Variants in CCSER1 observed in about 807,000 individuals in gnomAD.
CCSER1 encodes serine-rich coiled-coil domain-containing protein 1.
Under a neutral mutation model 82.0 loss-of-function variants are expected in CCSER1, and 41 were observed. That is an observed-to-expected ratio of 0.50 (90% confidence interval 0.39 to 0.65). The LOEUF (loss-of-function observed/expected upper bound fraction) is 0.65. Among genes scored for constraint, CCSER1 ranks in the 30% least tolerant of loss-of-function variants. CCSER1 has a pLI of 0.00. For synonymous variants in CCSER1, 414 were observed against 383.9 expected, an observed-to-expected ratio of 1.08 and a Z score of -0.92; for missense variants, 1,119 against 1,064.2, an observed-to-expected ratio of 1.05 and a Z score of -0.72.
chr4:90,321,812 A>AT (rs1177324947), intron 3 of CCSER1, among the ~76,000 whole-genome samples: 3 of 151,800 alleles, frequency 2.0e-5, no homozygotes, highest in Non-Finnish European at 4.4e-5. Context: ...CTCTTCAGAT[A>AT]TTTTTGCCTA....
intron 10 of CCSER1, among the ~76,000 whole-genome samples, chr4:91,235,504 A>G (rs975297666): frequency 6.6e-6 from 1 of 152,170 alleles, no homozygotes; most frequent in Admixed American, 6.5e-5. Context: ...TGGACAAAGT[A>G]AATTTTATTT....
At chr4:90,223,934 CT>C (rs138539705) in intron 1 of CCSER1, among the ~76,000 whole-genome samples, 1,795 of 152,196 alleles carry the variant, frequency 0.012, 43 homozygotes, top group African/African-American at 0.041. Flanking sequence ...TAGATAATGT[CT>C]TTTTCATCTT....
In CCSER1 at chr4:91,213,353, A is replaced by T. The variant is rs181305013; in HGVS notation, c.2217+127359A>T. On this transcript the variant is annotated intron_variant, in intron 10 of 10. Transcript: ENST00000509176. ...GTAGTGCTGCTTTCACAGAACCTAG[A>T]GTCTACTTTGGAGCATACAATTTTA... Among the ~76,000 whole-genome samples the T allele has an allele frequency of 9.9e-5, 15 of 152,272 alleles. No homozygotes were observed. In the East Asian group the frequency reaches 2.9e-3, roughly 29 times the overall value.
intron 6 of CCSER1, among the ~76,000 whole-genome samples, chr4:90,635,331 T>A (rs908453481): frequency 2.6e-5 from 4 of 151,752 alleles, no homozygotes; most frequent in East Asian, 1.9e-4. Context: ...TAAGTCCCAT[T>A]AAATTTAAAA....
intron 10 of CCSER1, among the ~76,000 whole-genome samples, chr4:91,141,141 T>TGAAA (rs1336016362): frequency 2.0e-5 from 3 of 151,430 alleles, no homozygotes; most frequent in Non-Finnish European, 4.4e-5. Context: ...CTGCAAAGGA[T>TGAAA]ATGATTTCAT....
chr4:90,940,406 A>G (rs1191570175), intron 9 of CCSER1, among the ~76,000 whole-genome samples: 12 of 151,966 alleles, frequency 7.9e-5, no homozygotes, highest in Admixed American at 7.2e-4. Context: ...ACATATCAAT[A>G]ATTTTATTTT....
intron 7 of CCSER1, among the ~76,000 whole-genome samples, chr4:90,745,461 G>A (rs988231967): frequency 5.9e-5 from 9 of 152,202 alleles, no homozygotes; most frequent in South Asian, 2.1e-4. Context: ...CGAATGGGGC[G>A]GGAAGCGTTA....
intron 7 of CCSER1, among the ~76,000 whole-genome samples, chr4:90,798,658 AT>A (rs1380725046): frequency 1.3e-5 from 2 of 152,180 alleles, no homozygotes; most frequent in East Asian, 3.9e-4. Context: ...GTTTTTAAAA[AT>A]TCTTTTATCC....
chr4:91,407,784 C>A (rs568883276), intron 10 of CCSER1, among the ~76,000 whole-genome samples: 2 of 152,144 alleles, frequency 1.3e-5, no homozygotes, highest in African/African-American at 2.4e-5. Context: ...GTGGTCAACA[C>A]CACCCATGAG....
chr4:91,136,071 C>T (rs1000381169), intron 10 of CCSER1, among the ~76,000 whole-genome samples: 15 of 152,106 alleles, frequency 9.9e-5, no homozygotes, highest in African/African-American at 3.6e-4. Context: ...TTTTAGTTTC[C>T]AAATCCTTAT....
intron 6 of CCSER1, among the ~76,000 whole-genome samples, chr4:90,686,025 G>T (rs528680083): frequency 2.0e-5 from 3 of 152,048 alleles, no homozygotes; most frequent in Admixed American, 6.6e-5. Context: ...TATTTAATTG[G>T]TTTAATTATG....
chr4:90,593,367 A>G (rs1347971539), intron 5 of CCSER1, among the ~76,000 whole-genome samples: 1 of 152,122 alleles, frequency 6.6e-6, no homozygotes, highest in Non-Finnish European at 1.5e-5. Context: ...CACGGAAAGA[A>G]TGAAGCAACA....
At chr4:91,291,819 T>G (rs1252032608) in intron 10 of CCSER1, among the ~76,000 whole-genome samples, 2 of 151,972 alleles carry the variant, frequency 1.3e-5, no homozygotes, top group African/African-American at 4.8e-5. Context: ...CATGAGAAAT[T>G]GCCATGAGCT....
chr4:91,496,271 C>T (rs1758800158), intron 10 of CCSER1, among the ~76,000 whole-genome samples: 1 of 151,074 alleles, frequency 6.6e-6, no homozygotes, highest in African/African-American at 2.4e-5. Context: ...TCATTGAGAG[C>T]AAAGGCTTGT....
At chr4:91,446,577 CTT>C (rs2059945513) in intron 10 of CCSER1, among the ~76,000 whole-genome samples, 1 of 52,530 alleles carries the variant, frequency 1.9e-5, no homozygotes, top group African/African-American at 8.6e-5. Context: ...TCTTTCTATT[CTT>C]TGTGTGTGTG....
chr4:90,428,512 T>C (rs1757839838), intron 4 of CCSER1, among the ~76,000 whole-genome samples: 2 of 151,894 alleles, frequency 1.3e-5, no homozygotes, highest in Admixed American at 6.6e-5. Context: ...TTATATGCTG[T>C]ATTCTTATAA....
chr4:90,844,599 A>G (rs560483400), intron 8 of CCSER1, among the ~76,000 whole-genome samples: 6 of 151,994 alleles, frequency 3.9e-5, no homozygotes, highest in Middle Eastern at 3.2e-3. Flanking sequence ...AATTTGCTCA[A>G]ATGTTACCTT....
At chr4:90,646,066 G>C (rs1209645825) in intron 6 of CCSER1, among the ~76,000 whole-genome samples, 1 of 150,606 alleles carries the variant, frequency 6.6e-6, no homozygotes, top group Non-Finnish European at 1.5e-5. Flanking sequence ...ATTTTTTTTT[G>C]GTAATGAATT....
intron 10 of CCSER1, among the ~76,000 whole-genome samples, chr4:91,301,046 T>C (rs1407226329): frequency 6.6e-6 from 1 of 151,880 alleles, no homozygotes; most frequent in Non-Finnish European, 1.5e-5. Flanking sequence ...TTCTCAGTAA[T>C]ACTAGGGCAA....
Sources: allele counts gnomAD v4.1 joint callset (sites outside exome capture counted in the v4.1 genomes callset), GRCh38; gene constraint gnomAD v4.1.1; transcripts MANE v1.5; gene names NCBI Gene and HGNC (gene_info 2026-07-23, HGNC 2026-07-21).